Variants in FRY observed in about 807,000 individuals in gnomAD.
FRY encodes FRY microtubule binding protein.
In FRY, 128 loss-of-function variants were observed where a neutral mutation model predicts 348.4. The observed-to-expected ratio is 0.37, with a 90% CI of 0.32 to 0.43. FRY has a LOEUF of 0.43. Ranked by LOEUF, FRY falls within the 20% of genes least tolerant of loss-of-function variation. The pLI is 1.00. For synonymous variants in FRY, 1,370 were observed against 1,374.7 expected, an observed-to-expected ratio of 1.00 and a Z score of 0.08; for missense variants, 2,736 against 3,695.2, an observed-to-expected ratio of 0.74 and a Z score of 6.73.
chr13:32,088,034 TC>T (rs1876000683), intron 2 of FRY, among the ~76,000 whole-genome samples: 1 of 152,230 alleles, frequency 6.6e-6, no homozygotes, highest in South Asian at 2.1e-4. Flanking sequence ...ATGCCAATCT[TC>T]CTATACTAAG....
chr13:32,286,450 A>G (rs144299062), intron 58 of FRY, among the ~76,000 whole-genome samples: 150 of 152,256 alleles, frequency 9.9e-4, no homozygotes, highest in African/African-American at 3.5e-3. Flanking sequence ...GGTGACATCA[A>G]AAAATGGTAG....
At position 32,175,550 on chromosome 13, in the gene FRY, A is replaced by G; in HGVS notation, c.2339A>G (p.Asp780Gly). 3.1e-6 allele frequency: 5 copies of G among 1,605,480 alleles called. No homozygotes were observed. The highest frequency in any genetic ancestry group is 1.7e-6 in the Non-Finnish European group (2 of 1,172,072). The stretch of plus-strand genomic sequence containing the variant: ...AATCGCCTCCCCTTTGTACAGGATG[A>G]CGACAGGCCGATGATTGATGTCATG... ...LFIALGQPED[D>G]DRPMIDVMDQ... Residue 780 changes from aspartate (D) to glycine (G), a missense_variant, in exon 20 of 61, where the codon GAC (aspartate) becomes GGC (glycine). By Grantham distance (94) the Asp-to-Gly change is moderately conservative. Around this residue, in one of 9 missense-constraint regions of FRY, gnomAD observed 449 missense variants for 576.9 expected, o/e 0.78. Transcript: ENST00000542859.
chr13:32,208,336 G>A (rs1318888730), intron 31 of FRY, among the ~76,000 whole-genome samples: 2 of 152,260 alleles, frequency 1.3e-5, no homozygotes, highest in Non-Finnish European at 2.9e-5. Flanking sequence ...ATTTATAAAA[G>A]CCTGATGGAT....
intron 55 of FRY, 50 bp from the exon 56 acceptor site, chr13:32,274,790 CAT>C: frequency 7.3e-7 from 1 of 1,361,094 alleles, no homozygotes; most frequent in African/African-American, 1.4e-5. Context: ...TATGTTTTAT[CAT>C]ATATAAGTTT....
intron 3 of FRY, among the ~76,000 whole-genome samples, chr13:32,111,991 G>A (rs928055055): frequency 6.6e-6 from 1 of 152,172 alleles, no homozygotes; most frequent in Non-Finnish European, 1.5e-5. Flanking sequence ...CATTTGCAAG[G>A]CGCCAGGCAA....
intron 22 of FRY, 31 bp from the exon 23 acceptor site, chr13:32,179,644 C>G (rs1744201938): frequency 5.0e-6 from 8 of 1,612,396 alleles, no homozygotes; most frequent in Non-Finnish European, 6.8e-6. Flanking sequence ...ACCATGTTAC[C>G]TCTTTTTCAC....
In FRY at chr13:32,083,788, T is replaced by C. The variant is rs530842843; in HGVS notation, c.270+4755T>C. Among the ~76,000 whole-genome samples, 46 of 152,320 alleles carry C rather than the reference T, an allele frequency of 3.0e-4. 1 individual carries two copies. In the South Asian group the frequency reaches 9.1e-3, roughly 30 times the overall value. ...ACTGGGAACATCGTTTCATCTTCTTTTAATGGTGCATAGATTTTTCTCTAG... is the reference window on the plus strand; with the variant it reads ...ACTGGGAACATCGTTTCATCTTCTTCTAATGGTGCATAGATTTTTCTCTAG... On this transcript the variant is annotated intron_variant, in intron 2 of 60. Transcript: ENST00000542859.
chr13:32,256,146 A>C lies in FRY; in HGVS notation c.7416+1752A>C, dbSNP rs188242021. On this transcript the variant is annotated intron_variant, in intron 51 of 60. Coordinates refer to ENST00000542859, the MANE Select transcript of FRY (RefSeq NM_023037.3). ...GTTTTTCAGGGACAAGAAATAAGGA[A>C]TACTACACCTTTTTTTCTGGTCTTC... Among the ~76,000 whole-genome samples the C allele has an allele frequency of 4.5e-3, 681 of 152,280 alleles. 2 individuals carry two copies. The highest frequency in any genetic ancestry group is 6.5e-3 in the Non-Finnish European group (445 of 68,014).
rs367561352 is a variant in FRY at position 32,186,300 on chromosome 13, G to A, written c.3360G>A (p.Arg1120=). 1.7e-5 allele frequency: 27 copies of A among 1,613,326 alleles called. No individual in the cohort carries two copies. Among genetic ancestry groups the A allele is most frequent in the Non-Finnish European group, 2.2e-5 (26 of 1,179,486 alleles). Residue 1120 remains arginine (R), a synonymous_variant, in exon 27 of 61, where the codon AGG becomes AGA. Transcript: ENST00000542859. ...TTCTCTTCCCCCAGCAAAGTCTGAG[G>A]CACCACCTTTTCATCTTATTCAGCC... ...RRFLFPQQSL[R]HHLFILFSQW... is the part of the protein sequence containing the mutation.
intron 1 of FRY, among the ~76,000 whole-genome samples, chr13:32,037,346 C>T (rs1265357398): frequency 6.6e-6 from 1 of 152,130 alleles, no homozygotes; most frequent in Non-Finnish European, 1.5e-5. Flanking sequence ...CCTTGCTGAG[C>T]GTTCTCTGAT....
At chr13:32,157,553 T>C in intron 16 of FRY, 148 bp downstream of exon 16, 2 of 692,038 alleles carry the variant, frequency 2.9e-6, no homozygotes, top group Non-Finnish European at 4.8e-6. Context: ...TCACAGTATT[T>C]GATTAACTAT....
intron 50 of FRY, among the ~76,000 whole-genome samples, chr13:32,253,020 G>A (rs921923385): frequency 2.6e-5 from 4 of 152,152 alleles, no homozygotes; most frequent in East Asian, 1.9e-4. Flanking sequence ...ACTTCTTATC[G>A]TCATTGTGGT....
intron 11 of FRY, among the ~76,000 whole-genome samples, chr13:32,138,916 C>T (rs562097581): frequency 1.3e-5 from 2 of 152,244 alleles, no homozygotes; most frequent in South Asian, 4.1e-4. Flanking sequence ...AGGGAGATAC[C>T]TCTGAGAGTT....
intron 49 of FRY, among the ~76,000 whole-genome samples, chr13:32,249,913 C>T (rs1262650727): frequency 1.3e-5 from 2 of 152,226 alleles, no homozygotes; most frequent in Non-Finnish European, 2.9e-5. Context: ...CCATTGGTTC[C>T]AGTTCTCTCA....
chr13:32,272,148 G>A (rs1331036987), intron 55 of FRY, among the ~76,000 whole-genome samples: 1 of 152,106 alleles, frequency 6.6e-6, no homozygotes, highest in Non-Finnish European at 1.5e-5. Flanking sequence ...AAAATATGCT[G>A]GAAATGAAAT....
chr13:32,284,305 C>T (rs1328790252), intron 58 of FRY, among the ~76,000 whole-genome samples: 2 of 152,176 alleles, frequency 1.3e-5, no homozygotes, highest in African/African-American at 2.4e-5. Flanking sequence ...TATATATTTT[C>T]TATCTACATA....
In FRY at chr13:32,184,593, T is replaced by C; in HGVS notation, c.3055-7T>C. 8 of 1,597,720 alleles carry C rather than the reference T, an allele frequency of 5.0e-6. No homozygotes were observed. Among genetic ancestry groups the C allele is most frequent in the Non-Finnish European group, 6.0e-6 (7 of 1,165,078 alleles). ...GTCTGTAAGTGATACTACCTCTTTC[T>C]ACACAGAACAAGAAACGCCGAGAAC... is the stretch of plus-strand genomic sequence containing the variant. On this transcript the variant is annotated splice_polypyrimidine_tract_variant and splice_region_variant and intron_variant, in intron 24 of 60. Coordinates refer to ENST00000542859, the MANE Select transcript of FRY (RefSeq NM_023037.3).
At chr13:32,172,164 G>A (rs1882126987) in intron 18 of FRY, among the ~76,000 whole-genome samples, 1 of 151,702 alleles carries the variant, frequency 6.6e-6, no homozygotes, top group Non-Finnish European at 1.5e-5. Context: ...GGATATTGAT[G>A]TGGACGTGGA....
At chr13:32,288,077 A>G (rs1016285991) in intron 58 of FRY, among the ~76,000 whole-genome samples, 2 of 152,216 alleles carry the variant, frequency 1.3e-5, no homozygotes, top group Non-Finnish European at 2.9e-5. Context: ...AGAAACTTAC[A>G]TTGCTATGAA....
Sources: allele counts gnomAD v4.1 joint callset (sites outside exome capture counted in the v4.1 genomes callset), GRCh38; gene constraint gnomAD v4.1.1; regional missense constraint gnomAD v4.1.1; transcripts MANE v1.5; gene names NCBI Gene and HGNC (gene_info 2026-07-23, HGNC 2026-07-21).